CWC27: variants seen among roughly 807,000 people sequenced by gnomAD.
CWC27 encodes spliceosome-associated protein CWC27 homolog.
Under a neutral mutation model 63.6 loss-of-function variants are expected in CWC27, and 47 were observed. The ratio of observed to expected loss-of-function variants is 0.74; its 90% CI spans 0.58 to 0.94. The LOEUF is 0.94. Among genes scored for constraint, CWC27 ranks in the 40% least tolerant of loss-of-function variants. CWC27 has a pLI of 0.00. For missense variants in CWC27, 495 were observed against 554.3 expected (o/e 0.89, Z 1.07); for synonymous variants, 175 against 179.8 (o/e 0.97, Z 0.22).
At chr5:65,003,397 T>TTTC (rs58167981) in intron 13 of CWC27, among the ~76,000 whole-genome samples, 1,532 of 152,296 alleles carry the variant, frequency 0.01, 29 homozygotes, top group African/African-American at 0.035. Context: ...TTCCCTTCCC[T>TTTC]TTCTTCTTCT....
chr5:64,873,003 A>G (rs1444226365), intron 10 of CWC27, among the ~76,000 whole-genome samples: 1 of 152,168 alleles, frequency 6.6e-6, no homozygotes, highest in Non-Finnish European at 1.5e-5. Flanking sequence ...TGGTTCATTA[A>G]TATTTTTCCT....
At chr5:64,852,402 T>C (rs1746153049) in intron 10 of CWC27, among the ~76,000 whole-genome samples, 1 of 152,172 alleles carries the variant, frequency 6.6e-6, no homozygotes, top group South Asian at 2.1e-4. Context: ...ATTTATTAGA[T>C]ATCTAAGATC....
intron 11 of CWC27, among the ~76,000 whole-genome samples, chr5:64,961,002 T>C (rs114457167): frequency 7.5e-4 from 114 of 151,922 alleles, no homozygotes; most frequent in African/African-American, 2.5e-3. Flanking sequence ...CAACAGAGGG[T>C]ATAAGTATAA....
chr5:64,945,307 T>C (rs1307990758), intron 11 of CWC27, among the ~76,000 whole-genome samples: 2 of 152,184 alleles, frequency 1.3e-5, no homozygotes, highest in Non-Finnish European at 2.9e-5. Flanking sequence ...AGTAAAATTT[T>C]TGTCCGTTTT....
intron 13 of CWC27, among the ~76,000 whole-genome samples, chr5:65,015,295 T>A (rs1228486860): frequency 1.3e-5 from 2 of 152,222 alleles, no homozygotes; most frequent in East Asian, 3.8e-4. Context: ...AAATGGATAT[T>A]ACAGAAAACC....
intron 13 of CWC27, among the ~76,000 whole-genome samples, chr5:64,980,703 A>G (rs1561178304): frequency 6.6e-6 from 1 of 152,112 alleles, no homozygotes; most frequent in Non-Finnish European, 1.5e-5. Context: ...CTTCCATAGT[A>G]CATACGGTAT....
chr5:64,920,670 GATCA>G (rs2112389833), intron 11 of CWC27, among the ~76,000 whole-genome samples: 1 of 152,220 alleles, frequency 6.6e-6, no homozygotes, highest in South Asian at 2.1e-4. Flanking sequence ...GTTTTTTCCT[GATCA>G]ATCTGAGAAG....
intron 11 of CWC27, among the ~76,000 whole-genome samples, chr5:64,962,387 AC>A (rs919951652): frequency 6.6e-6 from 1 of 152,228 alleles, no homozygotes; most frequent in Admixed American, 6.5e-5. Context: ...GAGTAAGCCA[AC>A]ACTACAGTGG....
intron 10 of CWC27, among the ~76,000 whole-genome samples, chr5:64,812,395 C>T (rs1744905005): frequency 6.6e-6 from 1 of 152,180 alleles, no homozygotes; most frequent in East Asian, 1.9e-4. Context: ...CTTTCATTCT[C>T]TTTTGTCCCA....
Position 64,837,207 on chromosome 5 carries a change from T to C in CWC27, c.938+32821T>C, listed in dbSNP as rs182710985. On this transcript the variant is annotated intron_variant, in intron 10 of 13. Transcript: ENST00000381070. ...AGTTCAGCTATTAGGTTTAAGAATT[T>C]ATTTTTTTGCACAAAAGTAGATATA... Among the ~76,000 whole-genome samples, 33 of 152,246 alleles carry C rather than the reference T, an allele frequency of 2.2e-4. 1 individual carries two copies. In the East Asian group the frequency reaches 5.2e-3, roughly 24 times the overall value.
At chr5:64,812,575 C>T (rs1182306109) in intron 10 of CWC27, among the ~76,000 whole-genome samples, 1 of 152,046 alleles carries the variant, frequency 6.6e-6, no homozygotes. Flanking sequence ...TTCTGTTTAA[C>T]AGCAAATATT....
chr5:64,910,211 T>C (rs1463831517), intron 11 of CWC27, among the ~76,000 whole-genome samples: 5 of 152,230 alleles, frequency 3.3e-5, no homozygotes, highest in Non-Finnish European at 7.3e-5. Flanking sequence ...TGTTGGAGTT[T>C]GCTGGAGGTC....
At chr5:64,786,312 T>C (rs1743883559) in intron 5 of CWC27, among the ~76,000 whole-genome samples, 1 of 152,064 alleles carries the variant, frequency 6.6e-6, no homozygotes, top group Non-Finnish European at 1.5e-5. Context: ...GGGGATAAAA[T>C]ATCCCTTACT....
chr5:64,929,311 A>G (rs188173351), intron 11 of CWC27, among the ~76,000 whole-genome samples: 8 of 152,182 alleles, frequency 5.3e-5, no homozygotes, highest in African/African-American at 1.9e-4. Context: ...AACCAGGGTA[A>G]TTTGAAGAAA....
At chr5:64,788,297 G>T (rs1252138495) in intron 6 of CWC27, among the ~76,000 whole-genome samples, 1 of 150,920 alleles carries the variant, frequency 6.6e-6, no homozygotes, top group Non-Finnish European at 1.5e-5. Context: ...TATGTTGGTC[G>T]TTGCTTGCTT....
intron 10 of CWC27, among the ~76,000 whole-genome samples, chr5:64,869,138 A>G (rs1746604267): frequency 6.6e-6 from 1 of 152,076 alleles, no homozygotes; most frequent in African/African-American, 2.4e-5. Flanking sequence ...TGGTTTATTC[A>G]TAAAATTAAG....
chr5:64,955,741 AAAGTC>A (rs1329063853), intron 11 of CWC27, among the ~76,000 whole-genome samples: 1 of 152,208 alleles, frequency 6.6e-6, no homozygotes, highest in African/African-American at 2.4e-5. Flanking sequence ...AATGAAAAAA[AAAGTC>A]AAGAGTGAAA....
intron 11 of CWC27, among the ~76,000 whole-genome samples, chr5:64,932,358 C>CT (rs796874383): frequency 0.022 from 3,185 of 146,400 alleles, 71 homozygotes; most frequent in African/African-American, 0.058. Context: ...GCCAATAGGA[C>CT]TTTTTTTTTT....
intron 2 of CWC27, among the ~76,000 whole-genome samples, chr5:64,776,053 TG>T (rs1191698034): frequency 1.1e-5 from 1 of 94,326 alleles, no homozygotes; most frequent in Non-Finnish European, 2.3e-5. Context: ...AAGAGAGAGG[TG>T]GGGAGGAGTG....
Sources: gnomAD v4.1 joint callset for allele counts (sites outside exome capture counted in the v4.1 genomes callset) on GRCh38, gnomAD v4.1.1 for gene constraint, MANE v1.5 for transcripts, NCBI Gene and HGNC (gene_info 2026-07-23, HGNC 2026-07-21) for gene names.